The following PKN2 variants were observed in gnomAD, a reference collection of about 807,000 sequenced individuals.
PKN2 encodes serine/threonine-protein kinase N2.
A neutral mutation model predicts 119.1 loss-of-function variants in PKN2; 38 were observed. That is an observed-to-expected ratio of 0.32 (90% CI 0.25 to 0.42). The LOEUF (loss-of-function observed/expected upper bound fraction) is 0.42. PKN2 is among the 10% of genes least tolerant of loss of function. The probability of loss-of-function intolerance (pLI) is 1.00; values close to 1 mark genes in which losing one functional copy is unlikely to be tolerated. For missense variants in PKN2, 850 were observed against 1,165.1 expected (o/e 0.73, Z 3.94); for synonymous variants, 390 against 384.9 (o/e 1.01, Z -0.15).
chr1:88,833,430 C>T lies in PKN2; in HGVS notation c.2937C>T (p.Tyr979=). ...AGGAAATGTTCAGAGATTTTGACTA[C>T]ATTGCTGATTGGTGTTAAGTTGCTA... ...EEQEMFRDFD[Y]IADWC Residue 979 remains tyrosine, a synonymous_variant, in exon 22 of 22, where the codon TAC becomes TAT. Transcript: ENST00000370521. 6.2e-7 allele frequency: 1 copy of T among 1,613,052 alleles called. No individual in the cohort carries two copies. Among genetic ancestry groups the T allele is most frequent in the Non-Finnish European group, 8.5e-7 (1 of 1,179,232 alleles).
chr1:88,831,934 GT>G (rs1055906524), intron 19 of PKN2, among the ~76,000 whole-genome samples: 33 of 151,972 alleles, frequency 2.2e-4, no homozygotes, highest in African/African-American at 7.0e-4. Context: ...TTTTAGCATA[GT>G]TGAAAGTTTC....
chr1:88,765,692 A>G (rs1669642053), intron 3 of PKN2, among the ~76,000 whole-genome samples: 1 of 152,122 alleles, frequency 6.6e-6, no homozygotes, highest in South Asian at 2.1e-4. Flanking sequence ...TTATAAAAGC[A>G]CTTAACATGA....
chr1:88,793,381 A>G (rs906146139), intron 8 of PKN2, among the ~76,000 whole-genome samples: 8 of 152,118 alleles, frequency 5.3e-5, no homozygotes, highest in African/African-American at 1.9e-4. Context: ...AAACTGTTGC[A>G]CATTTCCAAA....
At chr1:88,829,191 AT>A in intron 19 of PKN2, 1 of 738,856 alleles carries the variant, frequency 1.4e-6, no homozygotes. Context: ...CCATGAATTT[AT>A]TGTAAAAACA....
rs773548313 is a variant in PKN2, at chr1:88,832,752, T to C, written c.2571T>C (p.Phe857=). 6.9e-6 allele frequency: 11 copies of C among 1,587,062 alleles called. No homozygotes were observed. The East Asian group carries it at 2.2e-4, about 32-fold the overall frequency. Residue 857 remains phenylalanine (F), a synonymous_variant, in exon 20 of 22, where the codon TTT becomes TTC. Coordinates refer to ENST00000370521, the MANE Select transcript of PKN2 (RefSeq NM_006256.4). ...IYEMLVGESP[F]PGDDEEEVFD... ...AAAGGTATTTCTTCTAGTCTCCCTT[T>C]CCTGGTGATGATGAAGAGGAAGTTT...
rs143610877 is a variant in PKN2 at position 88,753,195 on chromosome 1, G to A, written c.350-7027G>A. Among the ~76,000 whole-genome samples, 462 of 152,172 alleles carry A rather than the reference G, an allele frequency of 3.0e-3. 5 individuals are homozygous for A. Among genetic ancestry groups the A allele is most frequent in the African/African-American group, 0.01 (433 of 41,528 alleles). ...TGCAAAAGTAATTGCAGTTTTTGCC[G>A]TTGTAATTATATTTTTTAAAAAGCA... On this transcript the variant is annotated intron_variant, in intron 2 of 21. Transcript: ENST00000370521.
At chr1:88,793,382 C>T (rs1379839616) in intron 8 of PKN2, among the ~76,000 whole-genome samples, 1 of 152,088 alleles carries the variant, frequency 6.6e-6, no homozygotes, top group Admixed American at 6.6e-5. Context: ...AACTGTTGCA[C>T]ATTTCCAAAA....
chr1:88,712,439 A>C (rs567424087), intron 1 of PKN2, among the ~76,000 whole-genome samples: 1 of 152,154 alleles, frequency 6.6e-6, no homozygotes, highest in Admixed American at 6.6e-5. Flanking sequence ...ACCCCTTCCC[A>C]GGTTTGCTTT....
chr1:88,807,714 G>C lies in PKN2; in HGVS notation c.2041G>C (p.Glu681Gln). The change falls in exon 15 of 22, where the codon GAG becomes CAG. Residue 681 changes from glutamate (E) to glutamine (Q), a missense_variant. Physicochemically the swap from Glu to Gln is conservative, Grantham distance 29 (BLOSUM62 2). This residue lies in a region of PKN2 where 216 missense variants were observed against 252.8 expected (regional missense o/e 0.85). Coordinates refer to ENST00000370521, the MANE Select transcript of PKN2 (RefSeq NM_006256.4). ...TTTAGCTGAATATAAAAACACAAAT[G>C]AGATGTTTGCTATAAAAGCCTTAAA... ...VLLAEYKNTN[E>Q]MFAIKALKKG... The C allele has an allele frequency of 6.2e-7, 1 of 1,602,608 alleles. No homozygotes were observed. The highest frequency in any genetic ancestry group is 8.5e-7 in the Non-Finnish European group (1 of 1,173,066).
chr1:88,691,133 G>A (rs1191872245), intron 1 of PKN2, among the ~76,000 whole-genome samples: 7 of 151,968 alleles, frequency 4.6e-5, no homozygotes, highest in African/African-American at 1.7e-4. Flanking sequence ...ACGTGATCTC[G>A]GCTCACTGCA....
intron 1 of PKN2, among the ~76,000 whole-genome samples, chr1:88,705,137 T>TC (rs1165702103): frequency 6.6e-6 from 1 of 152,002 alleles, no homozygotes; most frequent in East Asian, 1.9e-4. Flanking sequence ...TCTTTTCTTT[T>TC]TTTTTTTAAA....
At chr1:88,773,972 T>C (rs1404858377) in intron 6 of PKN2, among the ~76,000 whole-genome samples, 1 of 152,186 alleles carries the variant, frequency 6.6e-6, no homozygotes, top group African/African-American at 2.4e-5. Flanking sequence ...ACCAACTGTC[T>C]ACAGATTCCA....
rs1670500209 is a variant in PKN2, at chr1:88,784,727, T to C, written c.1074T>C (p.Gly358=). 1 of 1,612,624 alleles carries C rather than the reference T, an allele frequency of 6.2e-7. No individual in the cohort carries two copies. Among genetic ancestry groups the C allele is most frequent in the African/African-American group, 1.3e-5 (1 of 75,012 alleles). Residue 358 remains glycine, a synonymous_variant, in exon 7 of 22, where the codon GGT becomes GGC. Coordinates refer to ENST00000370521, the MANE Select transcript of PKN2 (RefSeq NM_006256.4). ...AAGCAACATCAGTTGCACTGCCTGG[T>C]TGGAGTCCAAGTGAAACCAGATCAT... ...RSKATSVALP[G]WSPSETRSSF...
intron 4 of PKN2, among the ~76,000 whole-genome samples, chr1:88,771,079 T>G (rs571597148): frequency 1.3e-5 from 2 of 152,190 alleles, no homozygotes; most frequent in African/African-American, 4.8e-5. Context: ...TTGTTTTCTT[T>G]TGTTTTTTTG....
intron 6 of PKN2, among the ~76,000 whole-genome samples, chr1:88,779,589 A>G (rs552355638): frequency 6.6e-6 from 1 of 152,082 alleles, no homozygotes; most frequent in South Asian, 2.1e-4. Flanking sequence ...TTTATGGACC[A>G]TGTGAATATG....
At chr1:88,768,038 A>ATTTTT (rs760187486) in intron 3 of PKN2, among the ~76,000 whole-genome samples, 9,474 of 152,302 alleles carry the variant, frequency 0.062, no homozygotes, top group African/African-American at 0.16. Context: ...AGAGATGCTT[A>ATTTTT]AATAATATGC....
intron 1 of PKN2, among the ~76,000 whole-genome samples, chr1:88,694,473 A>G (rs959677818): frequency 3.3e-5 from 5 of 152,148 alleles, no homozygotes; most frequent in Non-Finnish European, 7.4e-5. Flanking sequence ...TTTAGTACTG[A>G]ATAATATCCC....
At chr1:88,714,502 C>T (rs1225993023) in intron 1 of PKN2, among the ~76,000 whole-genome samples, 3 of 152,026 alleles carry the variant, frequency 2.0e-5, no homozygotes, top group Admixed American at 6.5e-5. Context: ...CTTCACATCC[C>T]TTGTAAGTTG....
intron 3 of PKN2, among the ~76,000 whole-genome samples, chr1:88,769,224 A>G (rs1210228970): frequency 1.3e-5 from 2 of 152,188 alleles, no homozygotes; most frequent in Non-Finnish European, 2.9e-5. Context: ...ATCTTAAGAT[A>G]TAACAGAAGT....
Sources: gnomAD v4.1 joint callset for allele counts (sites outside exome capture counted in the v4.1 genomes callset) on GRCh38, gnomAD v4.1.1 for gene constraint, gnomAD v4.1.1 regional missense constraint, MANE v1.5 for transcripts, NCBI Gene and HGNC (gene_info 2026-07-23, HGNC 2026-07-21) for gene names.